Variants in PHF21B observed in about 807,000 individuals in gnomAD.
PHF21B encodes the protein PHD finger protein 4.
Under a neutral mutation model 62.2 loss-of-function variants are expected in PHF21B, and 22 were observed. The observed-to-expected ratio is 0.35, with a 90% CI of 0.25 to 0.51. The LOEUF is 0.51. Ranked by LOEUF, PHF21B falls within the 20% of genes least tolerant of loss-of-function variation. The pLI, the probability that PHF21B is intolerant of heterozygous loss-of-function variation, is 0.97. For synonymous variants in PHF21B, 341 were observed against 314.7 expected (o/e 1.08, Z -0.88); for missense variants, 701 against 707.9 (o/e 0.99, Z 0.11).
chr22:44,895,966 G>A, intron 6 of PHF21B, 66 bp downstream of exon 6: 6 of 1,566,402 alleles, frequency 3.8e-6, no homozygotes, highest in Non-Finnish European at 5.3e-6. Context: ...ATCACACCTG[G>A]CCCCCAACAC....
intron 7 of PHF21B, among the ~76,000 whole-genome samples, chr22:44,892,319 C>T (rs1025197145): frequency 1.7e-4 from 26 of 152,312 alleles, no homozygotes; most frequent in African/African-American, 4.3e-4. Context: ...AGAACAGGAG[C>T]GGGGCAGGCA....
chr22:44,893,350 G>T (rs776202721), intron 7 of PHF21B, 107 bp downstream of exon 7: 6 of 1,045,474 alleles, frequency 5.7e-6, no homozygotes, highest in Non-Finnish European at 8.4e-6. Flanking sequence ...GGACAGACGA[G>T]GGGGGTGCTT....
chr22:44,965,653 G>A (rs1343350544), intron 2 of PHF21B, among the ~76,000 whole-genome samples: 3 of 152,122 alleles, frequency 2.0e-5, no homozygotes, highest in Non-Finnish European at 4.4e-5. Flanking sequence ...TGTCTGGGCC[G>A]TCTGTCTCCC....
intron 2 of PHF21B, among the ~76,000 whole-genome samples, chr22:44,930,854 G>T (rs749911090): frequency 6.6e-6 from 1 of 152,212 alleles, no homozygotes; most frequent in African/African-American, 2.4e-5. Context: ...TTTGGACCTC[G>T]GTATCTTCTC....
At chr22:44,937,850 G>T (rs1257841740) in intron 2 of PHF21B, among the ~76,000 whole-genome samples, 1 of 152,256 alleles carries the variant, frequency 6.6e-6, no homozygotes, top group Non-Finnish European at 1.5e-5. Context: ...GGCCTCCCCG[G>T]ACATGAGGCT....
intron 2 of PHF21B, among the ~76,000 whole-genome samples, chr22:44,943,850 C>T (rs1458036845): frequency 2.6e-5 from 4 of 152,190 alleles, no homozygotes; most frequent in Admixed American, 2.6e-4. Flanking sequence ...CGGGAAAAGC[C>T]ACCTGCAGCA....
chr22:44,903,701 T>C (rs1345278032), intron 5 of PHF21B, among the ~76,000 whole-genome samples: 2 of 152,362 alleles, frequency 1.3e-5, no homozygotes, highest in African/African-American at 4.8e-5. Flanking sequence ...CAATTACTTT[T>C]GCACCAAATG....
chr22:44,943,330 T>A (rs2071998856), intron 2 of PHF21B, among the ~76,000 whole-genome samples: 2 of 152,108 alleles, frequency 1.3e-5, no homozygotes, highest in African/African-American at 2.4e-5. Context: ...CGAAGGGCCG[T>A]AATCCCTAGG....
At chr22:44,888,800 GC>G (rs1452280823) in intron 9 of PHF21B, among the ~76,000 whole-genome samples, 1 of 152,062 alleles carries the variant, frequency 6.6e-6, no homozygotes, top group Non-Finnish European at 1.5e-5. Flanking sequence ...TCATGCAAAT[GC>G]CCAGGGAGGG....
chr22:44,944,515 C>T (rs1056418126), intron 2 of PHF21B, among the ~76,000 whole-genome samples: 1 of 152,132 alleles, frequency 6.6e-6, no homozygotes, highest in African/African-American at 2.4e-5. Context: ...ATTATTGCCT[C>T]GGTATTTGGA....
Position 45,009,252 on chromosome 22 carries a change from G to A in PHF21B, c.54+244C>T. On this transcript the variant is annotated intron_variant, in intron 1 of 12. Transcript: ENST00000313237. The surrounding 1 kb of genome is among the most constrained non-coding windows in gnomAD (Gnocchi z 5.9). ...GCAGACCCTACATCGCTTAAGAGAA[G>A]ACTCCAGGCTCGGGTCCCACGCGTC... 4 of 523,638 alleles carry A rather than the reference G, an allele frequency of 7.6e-6. No individual in the cohort carries two copies. Among genetic ancestry groups the A allele is most frequent in the Non-Finnish European group, 1.3e-5 (4 of 306,514 alleles). The allele number at this position is 523,638 out of a possible 1,614,324, so 32.4% of individuals were successfully genotyped here.
intron 5 of PHF21B, among the ~76,000 whole-genome samples, chr22:44,899,789 A>G (rs2071125676): frequency 6.6e-6 from 1 of 152,104 alleles, no homozygotes; most frequent in Non-Finnish European, 1.5e-5. Flanking sequence ...AAAGCTTCTA[A>G]CAGGTTACTG....
rs577897688 is a variant in PHF21B at position 44,992,004 on chromosome 22, T to C, written c.120+16541A>G. On this transcript the variant is annotated intron_variant, in intron 2 of 12. Coordinates refer to ENST00000313237, the MANE Select transcript of PHF21B (RefSeq NM_138415.5). ...GCATTAAAGAAACCAGACCCGGACG[T>C]TGGGGGAGCGCACTTGGTCGGGTCT... is the stretch of plus-strand genomic sequence containing the variant. 1.1e-3 allele frequency among the ~76,000 whole-genome samples: 175 copies of C among 152,352 alleles called. 2 individuals carry two copies. Among genetic ancestry groups the C allele is most frequent in the African/African-American group, 4.1e-3 (171 of 41,584 alleles).
chr22:44,979,882 G>A (rs548903491), intron 2 of PHF21B, among the ~76,000 whole-genome samples: 155 of 151,730 alleles, frequency 1.0e-3, no homozygotes, highest in Middle Eastern at 0.01. Context: ...CAGTCTGGCC[G>A]ACATGGTGAA....
chr22:44,889,492 G>A (rs2070922030), intron 9 of PHF21B, among the ~76,000 whole-genome samples: 1 of 152,234 alleles, frequency 6.6e-6, no homozygotes. Context: ...AGTGGCCCCT[G>A]CAGTCTCTGC....
At chr22:44,958,010 C>T (rs1208910341) in intron 2 of PHF21B, among the ~76,000 whole-genome samples, 1 of 151,740 alleles carries the variant, frequency 6.6e-6, no homozygotes, top group East Asian at 1.9e-4. Flanking sequence ...TCAAGCGATT[C>T]TCCTGCCTCT....
chr22:44,910,327 T>G (rs1306394242), intron 5 of PHF21B, among the ~76,000 whole-genome samples: 3 of 152,088 alleles, frequency 2.0e-5, no homozygotes, highest in Non-Finnish European at 4.4e-5. Flanking sequence ...ACACTTATAA[T>G]CCCAGCACTT....
chr22:44,986,255 C>T (rs920929382), intron 2 of PHF21B, among the ~76,000 whole-genome samples: 1 of 151,236 alleles, frequency 6.6e-6, no homozygotes, highest in African/African-American at 2.4e-5. Context: ...CCATCATCAC[C>T]ACCATCACCA....
intron 2 of PHF21B, among the ~76,000 whole-genome samples, chr22:44,924,782 C>T (rs1211185929): frequency 1.3e-5 from 2 of 152,154 alleles, no homozygotes; most frequent in East Asian, 1.9e-4. Flanking sequence ...ATTTATGATA[C>T]GAGACAGCCA....
Sources: allele counts gnomAD v4.1 joint callset (sites outside exome capture counted in the v4.1 genomes callset), GRCh38; gene constraint gnomAD v4.1.1; non-coding constraint Gnocchi (gnomAD v3.1); transcripts MANE v1.5; gene names NCBI Gene and HGNC (gene_info 2026-07-23, HGNC 2026-07-21).